Variants in CCDC102B observed in about 807,000 individuals in gnomAD.
The protein encoded by CCDC102B is coiled-coil domain-containing protein 102B.
Under a neutral mutation model 57.4 loss-of-function variants are expected in CCDC102B, and 75 were observed. The observed-to-expected ratio is 1.31, with a 90% CI of 1.08 to 1.58. The LOEUF (loss-of-function observed/expected upper bound fraction) is 1.58. Among genes scored for constraint, CCDC102B ranks in the 40% most tolerant of loss-of-function variants. The pLI is 0.00. For missense variants in CCDC102B, 636 were observed against 582.6 expected (o/e 1.09, Z -0.94); for synonymous variants, 206 against 201.9 (o/e 1.02, Z -0.17).
chr18:68,987,069 A>C (rs951266195), intron 6 of CCDC102B, among the ~76,000 whole-genome samples: 1 of 152,224 alleles, frequency 6.6e-6, no homozygotes, highest in African/African-American at 2.4e-5. Context: ...GGAAACGTCT[A>C]TTCTTAAATT....
upstream of CCDC102B, among the ~76,000 whole-genome samples, chr18:68,796,843 ATGTG>A (rs35894372): frequency 0.47 from 68,307 of 146,890 alleles, 16,350 homozygotes; most frequent in Non-Finnish European, 0.56. Context: ...ATGTACATGC[ATGTG>A]TGTGTGTGTG....
At chr18:68,880,320 G>T (rs1410398539) in intron 5 of CCDC102B, among the ~76,000 whole-genome samples, 1 of 152,212 alleles carries the variant, frequency 6.6e-6, no homozygotes, top group Non-Finnish European at 1.5e-5. Flanking sequence ...TGCCCACCCG[G>T]AACTCCAGCT....
rs1204152247 is a variant in CCDC102B, at chr18:68,767,200, T to C, written c.-67+50606T>C. Among the ~76,000 whole-genome samples the C allele has an allele frequency of 2.0e-5, 3 of 152,234 alleles. No homozygotes were observed. In the East Asian group the frequency reaches 5.8e-4, roughly 29 times the overall value. ...AAGTGAGGAAACTCATTTCTTGTAG[T>C]GTTATGGACTGAATGTATGTGTCCT... On this transcript the variant is annotated intron_variant, in intron 2 of 3. Transcript: ENST00000578970.
chr18:68,913,963 A>G (rs2040974570), intron 6 of CCDC102B, among the ~76,000 whole-genome samples: 1 of 152,214 alleles, frequency 6.6e-6, no homozygotes, highest in South Asian at 2.1e-4. Flanking sequence ...TTTCTGAAGT[A>G]AAACTTTGGA....
At chr18:68,940,176 A>C (rs1282248602) in intron 6 of CCDC102B, among the ~76,000 whole-genome samples, 1 of 151,798 alleles carries the variant, frequency 6.6e-6, no homozygotes, top group Non-Finnish European at 1.5e-5. Flanking sequence ...TTCTACTAAA[A>C]TGAGTCATAA....
intron 6 of CCDC102B, among the ~76,000 whole-genome samples, chr18:68,972,404 T>C (rs1051564062): frequency 6.6e-6 from 1 of 152,148 alleles, no homozygotes; most frequent in African/African-American, 2.4e-5. Context: ...GAAACCTGTG[T>C]CTTCCTAGGT....
chr18:68,861,239 T>C (rs1432865481), intron 4 of CCDC102B, among the ~76,000 whole-genome samples: 1 of 152,184 alleles, frequency 6.6e-6, no homozygotes, highest in African/African-American at 2.4e-5. Context: ...TTATGGTTTT[T>C]TTGACGACTA....
chr18:68,939,246 A>G (rs1160715872), intron 6 of CCDC102B, among the ~76,000 whole-genome samples: 1 of 151,656 alleles, frequency 6.6e-6, no homozygotes, highest in Non-Finnish European at 1.5e-5. Flanking sequence ...TCTCCCTACC[A>G]AATGTTTTGC....
intron 5 of CCDC102B, among the ~76,000 whole-genome samples, chr18:68,878,010 G>A (rs1278406539): frequency 6.6e-6 from 1 of 152,124 alleles, no homozygotes; most frequent in Admixed American, 6.5e-5. Flanking sequence ...CTTTCTATGA[G>A]GTCGAAAGTA....
At position 68,733,404 on chromosome 18, in the gene CCDC102B, A is replaced by C. The variant is rs371153640; in HGVS notation, c.-67+16810A>C. Among the ~76,000 whole-genome samples, 8 of 151,136 alleles carry C rather than the reference A, an allele frequency of 5.3e-5. No homozygotes were observed. In the East Asian group the frequency reaches 1.2e-3, roughly 22 times the overall value. On this transcript the variant is annotated intron_variant, in intron 2 of 3. Transcript: ENST00000578970. The stretch of plus-strand genomic sequence containing the variant: ...TACCTTGTGGTTGAGGAAGGAGCAA[A>C]CAGGGATGAGAAGATATTTTAATAC...
intron 2 of CCDC102B, among the ~76,000 whole-genome samples, chr18:68,757,997 T>A (rs1032154231): frequency 2.0e-5 from 3 of 152,116 alleles, no homozygotes; most frequent in African/African-American, 7.2e-5. Context: ...GTATTAAAGA[T>A]AGCCTTTTCA....
At chr18:68,838,191 G>A (rs938267863) in intron 2 of CCDC102B, among the ~76,000 whole-genome samples, 3 of 152,124 alleles carry the variant, frequency 2.0e-5, no homozygotes, top group Non-Finnish European at 2.9e-5. Flanking sequence ...TTATTAAAGC[G>A]CCCCATTAAA....
chr18:68,781,696 T>A (rs1645441854), intron 2 of CCDC102B, among the ~76,000 whole-genome samples: 1 of 152,200 alleles, frequency 6.6e-6, no homozygotes, highest in Non-Finnish European at 1.5e-5. Flanking sequence ...CAAAATATTA[T>A]TATTTTGTTA....
chr18:68,761,157 T>G (rs1259033004), intron 2 of CCDC102B, among the ~76,000 whole-genome samples: 1 of 152,100 alleles, frequency 6.6e-6, no homozygotes, highest in African/African-American at 2.4e-5. Flanking sequence ...AATTTGTCTT[T>G]TTATACAAAT....
At chr18:68,801,291 C>G (rs190929564) in intron 1 of CCDC102B, among the ~76,000 whole-genome samples, 1 of 152,042 alleles carries the variant, frequency 6.6e-6, no homozygotes, top group Non-Finnish European at 1.5e-5. Context: ...ATTGTAGATG[C>G]TCAATGGAGA....
At chr18:68,917,957 A>T (rs768892351) in intron 6 of CCDC102B, among the ~76,000 whole-genome samples, 2 of 152,126 alleles carry the variant, frequency 1.3e-5, no homozygotes, top group Non-Finnish European at 2.9e-5. Context: ...TATTTGCCTT[A>T]TGTACACCAA....
intron 6 of CCDC102B, among the ~76,000 whole-genome samples, chr18:68,945,091 C>CT (rs2049495897): frequency 1.4e-5 from 2 of 143,136 alleles, no homozygotes. Flanking sequence ...TCTCTCTCTG[C>CT]CTCTCTCTCT....
At chr18:68,721,552 C>G (rs1467161475) in intron 2 of CCDC102B, 4 of 152,056 alleles carry the variant, frequency 2.6e-5, no homozygotes, top group African/African-American at 9.7e-5. Flanking sequence ...AAATAAGATT[C>G]CTGACTCATT....
chr18:68,846,405 C>CA lies in CCDC102B; in HGVS notation c.926dup (p.Asn309LysfsTer6). On this transcript the variant is annotated frameshift_variant, in exon 4 of 8. Coordinates refer to ENST00000360242, the MANE Select transcript of CCDC102B (RefSeq NM_024781.3). LOFTEE classifies it high-confidence loss of function. ...TATGAAGAACTGAAAGAATCAAAGC[C>CA]AAAAAATGTGAAAGAGGTATGGGGG... 1.9e-6 allele frequency: 3 copies of CA among 1,575,228 alleles called. No individual in the cohort carries two copies. The highest frequency in any genetic ancestry group is 1.7e-6 in the Non-Finnish European group (2 of 1,162,006).
Sources: allele counts gnomAD v4.1 joint callset (sites outside exome capture counted in the v4.1 genomes callset), GRCh38; gene constraint gnomAD v4.1.1; transcripts MANE v1.5; gene names NCBI Gene and HGNC (gene_info 2026-07-23, HGNC 2026-07-21).